Variants in ING3 observed in about 807,000 individuals in gnomAD.
The protein encoded by ING3 is inhibitor of growth protein 3.
ING3 carries 6 observed loss-of-function variants against 64.8 expected under a neutral mutation model. That is an observed-to-expected ratio of 0.09 (90% CI 0.05 to 0.18). The LOEUF (loss-of-function observed/expected upper bound fraction) is 0.18, where lower values mean the gene tolerates loss of function less well. Among genes scored for constraint, ING3 ranks in the 10% least tolerant of loss-of-function variants. The pLI is 1.00. For missense variants in ING3, 310 were observed against 489.7 expected (o/e 0.63, Z 3.46); for synonymous variants, 170 against 173.7 (o/e 0.98, Z 0.17).
chr7:120,969,022 A>T lies in ING3; in HGVS notation c.726A>T (p.Gly242=), dbSNP rs1796033764. The change falls in exon 9 of 12, where the codon GGA becomes GGT. Residue 242 remains glycine (G), a synonymous_variant. Transcript: ENST00000315870. Reference sequence around the variant, plus strand: ...AATGTCTATTTAAGATGAAGGAGGGACGAAGAACATCAAGTTTAAAAGCCA... The same window carrying T: ...AATGTCTATTTAAGATGAAGGAGGGTCGAAGAACATCAAGTTTAAAAGCCA... ...AVQATAQMKE[G]RRTSSLKASY... 1 of 1,611,172 alleles carries T rather than the reference A, an allele frequency of 6.2e-7. No homozygotes were observed. The highest frequency in any genetic ancestry group is 1.3e-5 in the African/African-American group (1 of 74,810).
At chr7:120,956,197 A>G (rs1323258945) in intron 4 of ING3, 1 of 1,608,426 alleles carries the variant, frequency 6.2e-7, no homozygotes, top group Non-Finnish European at 8.5e-7. Context: ...AAGAAGATAG[A>G]TAGAATATTC....
rs1231806217 is a variant in ING3 at position 120,964,786 on chromosome 7, T to A, written c.312T>A (p.Phe104Leu). ...AGCTGGATCAGGAACTGGCTAAGTT[T>A]AAAATGGAGCTGGAAGCTGATAATG... Reference protein sequence around the residue: ...LRKLDQELAKFKMELEADNAG... With the variant: ...LRKLDQELAKLKMELEADNAG... Residue 104 changes from phenylalanine to leucine, a missense_variant, in exon 5 of 12, where the codon TTT (phenylalanine) becomes TTA (leucine). This residue lies in a region of ING3 where 233 missense variants were observed against 289.4 expected (regional missense o/e 0.81). Coordinates refer to ENST00000315870, the MANE Select transcript of ING3 (RefSeq NM_019071.3). 6.2e-7 allele frequency: 1 copy of A among 1,613,716 alleles called. No homozygotes were observed. Among genetic ancestry groups the A allele is most frequent in the Non-Finnish European group, 8.5e-7 (1 of 1,179,714 alleles).
In ING3 at chr7:120,969,204, A is replaced by C; in HGVS notation, c.908A>C (p.Lys303Thr). The change falls in exon 9 of 12, where the codon AAA becomes ACA. Residue 303 changes from lysine (K) to threonine (T), a missense_variant and splice_region_variant. Lys to Thr is a moderately conservative substitution (Grantham distance 78). Around this residue, in one of 3 missense-constraint regions of ING3, gnomAD observed 233 missense variants for 289.4 expected, o/e 0.81. Coordinates refer to ENST00000315870, the MANE Select transcript of ING3 (RefSeq NM_019071.3). ...AADSRSGRKS[K>T]NNNKSSSQQS... ...GACTCACGGAGTGGTCGAAAGAGCA[A>C]GTAAGTTTTATTGTTACAGTAGCCC... 6.2e-7 allele frequency: 1 copy of C among 1,611,908 alleles called. No homozygotes were observed. The highest frequency in any genetic ancestry group is 8.5e-7 in the Non-Finnish European group (1 of 1,178,650).
In ING3 at chr7:120,976,303, A is replaced by C. The variant is rs752832129; in HGVS notation, c.*1459A>C. 2 of 152,164 alleles carry C rather than the reference A, an allele frequency of 1.3e-5. No homozygotes were observed. Among genetic ancestry groups the C allele is most frequent in the East Asian group, 3.9e-4 (2 of 5,194 alleles). The allele number at this position is 152,164 out of a possible 1,614,324, so 9.4% of individuals were successfully genotyped here. A position where few individuals can be genotyped will look rare whatever the true frequency, so the allele number is the denominator to read the frequency against. On this transcript the variant is annotated 3_prime_UTR_variant, in exon 12 of 12. Transcript: ENST00000315870. ...TAATTAAACCACTTATGAGCTTCTTAGAACTTATTCAGATAACAGTGTAAA... is the reference window on the plus strand; with the variant it reads ...TAATTAAACCACTTATGAGCTTCTTCGAACTTATTCAGATAACAGTGTAAA...
At chr7:120,961,405 A>G (rs1176882840) in intron 4 of ING3, among the ~76,000 whole-genome samples, 1 of 152,192 alleles carries the variant, frequency 6.6e-6, no homozygotes, top group African/African-American at 2.4e-5. Flanking sequence ...AATGTAACAG[A>G]CTTGATTGCC....
chr7:120,951,058 G>C (rs1210773298), intron 1 of ING3, 106 bp from the exon 2 acceptor site: 12 of 1,504,606 alleles, frequency 8.0e-6, no homozygotes, highest in Non-Finnish European at 1.0e-5. Context: ...TGGCAGCCTC[G>C]TTGTGGGCTG....
In ING3 at chr7:120,970,683, T is replaced by G; in HGVS notation, c.909-5T>G. 6.2e-7 allele frequency: 1 copy of G among 1,613,566 alleles called. No individual in the cohort carries two copies. Among genetic ancestry groups the G allele is most frequent in the Non-Finnish European group, 8.5e-7 (1 of 1,179,678 alleles). Reference sequence around the variant, plus strand: ...AGCAAATAAAACTTATACTATTTTTTTCAGAAACAACAACAAGTCTTCAAG... The same window carrying G: ...AGCAAATAAAACTTATACTATTTTTGTCAGAAACAACAACAAGTCTTCAAG... On this transcript the variant is annotated splice_region_variant and splice_polypyrimidine_tract_variant and intron_variant, in intron 9 of 11. Transcript: ENST00000315870.
intron 2 of ING3, 25 bp from the exon 3 acceptor site, chr7:120,953,279 A>G (rs199508260): frequency 2.3e-4 from 325 of 1,409,970 alleles, no homozygotes; most frequent in Non-Finnish European, 3.0e-4. Flanking sequence ...GTCATTTAAT[A>G]TGAATTTTTT....
Position 120,968,038 on chromosome 7 carries a change from G to T in ING3, c.661G>T (p.Gly221Cys), listed in dbSNP as rs1259644829. ...CATTGGCTCGTTATCTTCAGGAACT[G>T]GTGCAGGGGCAATTACCATGGCAGC... ...YNIGSLSSGT[G>C]AGAITMAAAQ... Residue 221 changes from glycine (G) to cysteine (C), a missense_variant, in exon 8 of 12, where the codon GGT becomes TGT. This residue lies in a region of ING3 where 233 missense variants were observed against 289.4 expected (regional missense o/e 0.81). Coordinates refer to ENST00000315870, the MANE Select transcript of ING3 (RefSeq NM_019071.3). The T allele has an allele frequency of 6.2e-7, 1 of 1,614,152 alleles. No homozygotes were observed. Among genetic ancestry groups the T allele is most frequent in the Non-Finnish European group, 8.5e-7 (1 of 1,180,024 alleles).
At chr7:120,973,303 T>TTC in intron 11 of ING3, 60 bp downstream of exon 11, 1 of 1,069,250 alleles carries the variant, frequency 9.4e-7, no homozygotes, top group Non-Finnish European at 1.4e-6. Flanking sequence ...ATTACTTGAA[T>TTC]ATTTGTCTTA....
At chr7:120,961,420 C>T (rs1167108840) in intron 4 of ING3, among the ~76,000 whole-genome samples, 1 of 152,140 alleles carries the variant, frequency 6.6e-6, no homozygotes, top group African/African-American at 2.4e-5. Context: ...ATTGCCTCTT[C>T]CGATAGGGCA....
At chr7:120,951,269 C>T in intron 2 of ING3, 34 bp downstream of exon 2, 1 of 1,602,814 alleles carries the variant, frequency 6.2e-7, no homozygotes, top group South Asian at 1.1e-5. Flanking sequence ...CTGTTCGCTG[C>T]GCGCGTTCAG....
chr7:120,964,895 A>C, intron 5 of ING3, 57 bp downstream of exon 5: 1 of 1,377,202 alleles, frequency 7.3e-7, no homozygotes, highest in East Asian at 2.3e-5. Flanking sequence ...CAAATCGCTG[A>C]GAAGACCTTG....
At chr7:120,960,298 G>GA (rs1358766615) in intron 4 of ING3, among the ~76,000 whole-genome samples, 3 of 152,182 alleles carry the variant, frequency 2.0e-5, no homozygotes, top group African/African-American at 7.2e-5. Flanking sequence ...CTAATGCATG[G>GA]GGGCCTTGCG....
At chr7:120,972,513 T>C (rs1796082417) in intron 10 of ING3, among the ~76,000 whole-genome samples, 1 of 152,162 alleles carries the variant, frequency 6.6e-6, no homozygotes, top group South Asian at 2.1e-4. Flanking sequence ...AGTTTTCCTC[T>C]GTAACACTAA....
intron 4 of ING3, among the ~76,000 whole-genome samples, chr7:120,960,713 T>C (rs1795922326): frequency 6.6e-6 from 1 of 152,218 alleles, no homozygotes; most frequent in African/African-American, 2.4e-5. Flanking sequence ...AGGGTTCCGG[T>C]AGAAGAAACT....
intron 11 of ING3, 137 bp downstream of exon 11, chr7:120,973,380 G>C (rs1796093215): frequency 1.7e-6 from 1 of 584,336 alleles, no homozygotes; most frequent in Non-Finnish European, 3.1e-6. Flanking sequence ...GCTAATGCTA[G>C]AATATTCCTC....
At chr7:120,964,871 G>T (rs754311059) in intron 5 of ING3, 33 bp downstream of exon 5, 1 of 1,530,808 alleles carries the variant, frequency 6.5e-7, no homozygotes, top group Non-Finnish European at 9.0e-7. Flanking sequence ...CATCAATATT[G>T]GACAGTACAT....
At chr7:120,969,268 G>C (rs1251471957) in intron 9 of ING3, 64 bp downstream of exon 9, 1 of 1,291,358 alleles carries the variant, frequency 7.7e-7, no homozygotes, top group Non-Finnish European at 1.1e-6. Context: ...TGACACTTCA[G>C]CCAGGCCTCT....
Sources: gnomAD v4.1 joint callset for allele counts (sites outside exome capture counted in the v4.1 genomes callset) on GRCh38, gnomAD v4.1.1 for gene constraint, gnomAD v4.1.1 regional missense constraint, MANE v1.5 for transcripts, NCBI Gene and HGNC (gene_info 2026-07-23, HGNC 2026-07-21) for gene names.